The following PHLDB1 variants were observed in gnomAD, a reference collection of about 807,000 sequenced individuals.
The protein encoded by PHLDB1 is pleckstrin homology like domain family B member 1.
Under a neutral mutation model 139.3 loss-of-function variants are expected in PHLDB1, and 65 were observed. The observed-to-expected ratio is 0.47, with a 90% confidence interval of 0.38 to 0.57. The LOEUF (loss-of-function observed/expected upper bound fraction) is 0.57, where lower values mean the gene tolerates loss of function less well. PHLDB1 is among the 20% of genes least tolerant of loss of function. The probability of loss-of-function intolerance (pLI) is 0.00; values close to 1 mark genes in which losing one functional copy is unlikely to be tolerated. For missense variants in PHLDB1, 1,624 were observed against 1,839.7 expected, an observed-to-expected ratio of 0.88 and a Z score of 2.14; for synonymous variants, 679 against 734.5, an observed-to-expected ratio of 0.92 and a Z score of 1.22.
intron 22 of PHLDB1, 88 bp from the exon 23 acceptor site, chr11:118,656,595 G>A: frequency 7.5e-7 from 1 of 1,330,268 alleles, no homozygotes; most frequent in Non-Finnish European, 1.1e-6. Flanking sequence ...TAGGGGCTGG[G>A]AGGGGAAAGG....
chr11:118,641,555 C>G, intron 12 of PHLDB1: 2 of 1,069,504 alleles, frequency 1.9e-6, no homozygotes, highest in South Asian at 1.5e-5. Context: ...AGGGCCATCT[C>G]ATGTGTTCTG....
At chr11:118,630,508 A>T (rs529043749) in intron 6 of PHLDB1, among the ~76,000 whole-genome samples, 1 of 152,132 alleles carries the variant, frequency 6.6e-6, no homozygotes, top group Non-Finnish European at 1.5e-5. Flanking sequence ...CCTCTTCTCC[A>T]TGTATGTCTG....
chr11:118,635,155 G>T, intron 9 of PHLDB1: 1 of 588,552 alleles, frequency 1.7e-6, no homozygotes. Context: ...GTACCTGCCG[G>T]ACACCAGGGT....
chr11:118,614,134 C>T (rs1555086504), intron 2 of PHLDB1, among the ~76,000 whole-genome samples: 1 of 152,166 alleles, frequency 6.6e-6, no homozygotes, highest in African/African-American at 2.4e-5. Context: ...GGCTGTATCA[C>T]TCTCCTTGAT....
chr11:118,639,195 TACC>T lies in PHLDB1; in HGVS notation c.2683_2685del (p.His895del), dbSNP rs781893790. On this transcript the variant is annotated inframe_deletion, in exon 12 of 23. Coordinates refer to ENST00000600882, the MANE Select transcript of PHLDB1 (RefSeq NM_001144758.3). ...GAAGCTGACTGTGCTGGAAAGGAGA[TACC>T]ACTCACTCACAGGGGGCAGGCCTTT... 1.9e-6 allele frequency: 3 copies of T among 1,614,128 alleles called. No homozygotes were observed. The highest frequency in any genetic ancestry group is 1.7e-6 in the Non-Finnish European group (2 of 1,179,984).
chr11:118,630,724 C>T (rs1391723383), intron 6 of PHLDB1, among the ~76,000 whole-genome samples: 1 of 152,038 alleles, frequency 6.6e-6, no homozygotes, highest in African/African-American at 2.4e-5. Context: ...GCCTGTGCAT[C>T]AGTGCTGGTG....
rs1382889207 is a variant in PHLDB1, at chr11:118,645,271, C to T, written c.3122-85C>T. ...CTGTGTTAACCTCTCCCTGCTTGCC[C>T]CTCCCTCTGTGTGTTGTGCTGCCAG... On this transcript the variant is annotated intron_variant, in intron 15 of 22. Coordinates refer to ENST00000600882, the MANE Select transcript of PHLDB1 (RefSeq NM_001144758.3). This position sits in a 1 kb window ranked among gnomAD's most constrained non-coding sequence, Gnocchi z 5.1. 4 of 1,071,700 alleles carry T rather than the reference C, an allele frequency of 3.7e-6. No homozygotes were observed. Among genetic ancestry groups the T allele is most frequent in the Non-Finnish European group, 5.3e-6 (4 of 756,660 alleles). 66.4% of individuals were successfully genotyped at this position (1,071,700 alleles called of 1,614,324 possible).
Position 118,626,024 on chromosome 11 carries a change from C to T in PHLDB1, c.481+965C>T, listed in dbSNP as rs373809086. 1.3e-4 allele frequency among the ~76,000 whole-genome samples: 20 copies of T among 152,328 alleles called. No individual in the cohort carries two copies. The East Asian group carries it at 3.1e-3, about 23-fold the overall frequency. On this transcript the variant is annotated intron_variant, in intron 5 of 22. Transcript: ENST00000600882. ...CCCTTAGCTGTTTGGGGCAGTGGTT[C>T]CAGGGACTCCTATATGGTTGACTAG...
intron 12 of PHLDB1, chr11:118,641,652 C>G: frequency 7.8e-7 from 1 of 1,288,390 alleles, no homozygotes; most frequent in Non-Finnish European, 1.0e-6. Context: ...TGCGGGGCAC[C>G]TCGCCCATGC....
In PHLDB1 at chr11:118,632,720, G is replaced by T; in HGVS notation, c.2379+424G>T. The T allele has an allele frequency of 4.3e-6, 1 of 231,092 alleles. No homozygotes were observed. Among genetic ancestry groups the T allele is most frequent in the Non-Finnish European group, 7.4e-6 (1 of 134,230 alleles). The allele number at this position is 231,092 out of a possible 1,614,324, so 14.3% of individuals were successfully genotyped here. A position where few individuals can be genotyped will look rare whatever the true frequency, so the allele number is the denominator to read the frequency against. ...CTTACGTTGTGATCTTTGGGAGATG[G>T]CCCTCGGGCCTCTGCTTCCCTTGAG... On this transcript the variant is annotated intron_variant, in intron 9 of 22. Coordinates refer to ENST00000600882, the MANE Select transcript of PHLDB1 (RefSeq NM_001144758.3). The surrounding 1 kb of genome is among the most constrained non-coding windows in gnomAD (Gnocchi z 5.9).
chr11:118,629,363 A>G (rs1031904325), intron 6 of PHLDB1, among the ~76,000 whole-genome samples: 19 of 152,364 alleles, frequency 1.2e-4, no homozygotes, highest in Middle Eastern at 3.4e-3. Flanking sequence ...GGCTCTAGGC[A>G]GCTGTCCTGG....
intron 13 of PHLDB1, 28 bp from the exon 14 acceptor site, chr11:118,643,772 A>G (rs201683440): frequency 1.2e-6 from 2 of 1,614,024 alleles, no homozygotes; most frequent in Non-Finnish European, 1.7e-6. Context: ...GGAGCCAGGA[A>G]TCACTGGGCA....
intron 1 of PHLDB1, among the ~76,000 whole-genome samples, chr11:118,612,231 A>G (rs1555084650): frequency 2.6e-5 from 4 of 152,338 alleles, no homozygotes. Context: ...CTTATAGCTA[A>G]TAAATAAATA....
At chr11:118,609,399 T>TCACACATACACTCCA (rs1565378268) in intron 1 of PHLDB1, among the ~76,000 whole-genome samples, 3 of 129,114 alleles carry the variant, frequency 2.3e-5, no homozygotes, top group African/African-American at 9.5e-5. Context: ...ACAGCCCAGC[T>TCACACATACACTCCA]GACACACGCA....
Position 118,628,540 on chromosome 11 carries a change from A to G in PHLDB1, c.1717A>G (p.Arg573Gly), listed in dbSNP as rs782267174. The G allele has an allele frequency of 6.2e-7, 1 of 1,613,200 alleles. No individual in the cohort carries two copies. Among genetic ancestry groups the G allele is most frequent in the Admixed American group, 1.7e-5 (1 of 60,036 alleles). The part of the protein sequence containing the change: ...SSGDLRVPVT[R>G]ERKNSITEIS... ...CGGGGACTTGCGGGTGCCTGTCACA[A>G]GGGAGCGGAAAAATAGCATCACAGA... The change falls in exon 6 of 23, where the codon AGG (arginine) becomes GGG (glycine). Residue 573 changes from arginine to glycine, a missense_variant. Physicochemically the swap from Arg to Gly is moderately radical, Grantham distance 125. Coordinates refer to ENST00000600882, the MANE Select transcript of PHLDB1 (RefSeq NM_001144758.3).
At chr11:118,609,537 C>T (rs536191794) in intron 1 of PHLDB1, among the ~76,000 whole-genome samples, 22 of 150,142 alleles carry the variant, frequency 1.5e-4, no homozygotes, top group Admixed American at 6.6e-4. Context: ...CAGCCCCAGT[C>T]ACACACACAG....
intron 15 of PHLDB1, chr11:118,644,587 C>T: frequency 8.9e-7 from 1 of 1,124,136 alleles, no homozygotes; most frequent in South Asian, 1.4e-5. Context: ...CTGTGCCTCT[C>T]TCTCCTCTTA....
Position 118,656,832 on chromosome 11 carries a change from G to A in PHLDB1, c.*9G>A. On this transcript the variant is annotated 3_prime_UTR_variant, in exon 23 of 23. Coordinates refer to ENST00000600882, the MANE Select transcript of PHLDB1 (RefSeq NM_001144758.3). ...CTCAGTTCATGAACTAACTGCCGTG[G>A]GCCTCCTGGCAGAGCACAACTGGGG... 1.2e-6 allele frequency: 2 copies of A among 1,605,656 alleles called. No individual in the cohort carries two copies. The highest frequency in any genetic ancestry group is 1.7e-6 in the Non-Finnish European group (2 of 1,173,280).
intron 20 of PHLDB1, chr11:118,652,174 C>T (rs1165457617): frequency 6.6e-6 from 1 of 151,846 alleles, no homozygotes; most frequent in Admixed American, 6.6e-5. Context: ...CCCACTTCCC[C>T]CCTAACCTGG....
Sources: allele counts gnomAD v4.1 joint callset (sites outside exome capture counted in the v4.1 genomes callset), GRCh38; gene constraint gnomAD v4.1.1; non-coding constraint Gnocchi (gnomAD v3.1); transcripts MANE v1.5; gene names NCBI Gene and HGNC (gene_info 2026-07-23, HGNC 2026-07-21).